NASP: variants seen among roughly 807,000 people sequenced by gnomAD.
NASP encodes NASP histone chaperone.
NASP carries 24 observed loss-of-function variants against 89.5 expected under a neutral mutation model. That is an observed-to-expected ratio of 0.27 (90% CI 0.19 to 0.38). NASP has a LOEUF of 0.38. Among genes scored for constraint, NASP ranks in the 10% least tolerant of loss-of-function variants. NASP has a pLI of 1.00. For missense variants in NASP, 848 were observed against 921.4 expected (o/e 0.92, Z 1.03); for synonymous variants, 306 against 324.7 (o/e 0.94, Z 0.62).
chr1:45,617,398 GT>G, intron 13 of NASP, 64 bp from the exon 14 acceptor site: 2 of 1,551,422 alleles, frequency 1.3e-6, no homozygotes, highest in South Asian at 2.3e-5. Flanking sequence ...TTAAGGAAAT[GT>G]TTTGCAGTTG....
At chr1:45,604,684 T>C (rs1643887639) in intron 3 of NASP, among the ~76,000 whole-genome samples, 1 of 152,202 alleles carries the variant, frequency 6.6e-6, no homozygotes, top group African/African-American at 2.4e-5. Context: ...CTTAGGGCTG[T>C]TTGGCCCTAC....
intron 1 of NASP, among the ~76,000 whole-genome samples, chr1:45,587,185 G>GTT (rs796390802): frequency 6.6e-6 from 1 of 150,714 alleles, no homozygotes; most frequent in East Asian, 1.9e-4. Context: ...TTCTTAGTTG[G>GTT]TTTTTTTTTG....
intron 2 of NASP, among the ~76,000 whole-genome samples, chr1:45,597,774 C>T (rs766185536): frequency 3.9e-5 from 6 of 152,080 alleles, no homozygotes; most frequent in African/African-American, 1.4e-4. Flanking sequence ...CCAGCATCTC[C>T]GTTTGTTCAC....
chr1:45,608,688 G>T (rs1412622021), intron 6 of NASP, among the ~76,000 whole-genome samples: 3 of 152,150 alleles, frequency 2.0e-5, no homozygotes, highest in Non-Finnish European at 4.4e-5. Flanking sequence ...GGGAAATAGT[G>T]GGCTAGGCTG....
intron 11 of NASP, 124 bp from the exon 12 acceptor site, chr1:45,616,213 A>AT: frequency 1.2e-6 from 1 of 852,408 alleles, no homozygotes; most frequent in Non-Finnish European, 2.0e-6. Flanking sequence ...ACTGGATACT[A>AT]TATGGAGGCC....
chr1:45,591,673 G>A (rs770846964), intron 2 of NASP, among the ~76,000 whole-genome samples: 68 of 151,924 alleles, frequency 4.5e-4, no homozygotes, highest in Non-Finnish European at 7.7e-4. Context: ...CCCCTGTAAC[G>A]TTTCCATCTT....
intron 1 of NASP, among the ~76,000 whole-genome samples, chr1:45,585,071 CG>C (rs2148319646): frequency 6.6e-6 from 1 of 152,210 alleles, no homozygotes; most frequent in South Asian, 2.1e-4. Context: ...GTAGTATGCA[CG>C]AAGTGGAGAA....
chr1:45,600,136 GT>G (rs1197184444), intron 2 of NASP, among the ~76,000 whole-genome samples: 1 of 151,926 alleles, frequency 6.6e-6, no homozygotes, highest in Non-Finnish European at 1.5e-5. Flanking sequence ...AAATAATTTG[GT>G]TTTCATTAAT....
At chr1:45,613,441 G>T (rs1644050984) in intron 7 of NASP, among the ~76,000 whole-genome samples, 193 bp downstream of exon 7, 1 of 152,158 alleles carries the variant, frequency 6.6e-6, no homozygotes, top group African/African-American at 2.4e-5. Context: ...GTGCCAACAT[G>T]CCCAGCTAGT....
At chr1:45,586,272 GTGTGTGTGTGT>G (rs1557646303) in intron 1 of NASP, among the ~76,000 whole-genome samples, 1 of 74,862 alleles carries the variant, frequency 1.3e-5, no homozygotes, top group Non-Finnish European at 2.6e-5. Flanking sequence ...GTGTGTGTGT[GTGTGTGTGTGT>G]GGTGTGTGTG....
intron 5 of NASP, 32 bp downstream of exon 5, chr1:45,606,623 T>G (rs1232072102): frequency 8.4e-6 from 12 of 1,430,654 alleles, no homozygotes; most frequent in Admixed American, 1.7e-5. Context: ...ATTCAAGAGA[T>G]GCGACGTTGT....
intron 1 of NASP, among the ~76,000 whole-genome samples, chr1:45,586,910 T>A (rs1644558658): frequency 6.6e-6 from 1 of 152,202 alleles, no homozygotes; most frequent in South Asian, 2.1e-4. Flanking sequence ...TTGCCCAGGC[T>A]GGATTCCCAA....
chr1:45,617,526 G>A lies in NASP; in HGVS notation c.2221G>A (p.Val741Met). 6.2e-7 allele frequency: 1 copy of A among 1,612,298 alleles called. No homozygotes were observed. Among genetic ancestry groups the A allele is most frequent in the Non-Finnish European group, 8.5e-7 (1 of 1,179,426 alleles). The change falls in exon 14 of 15, where the codon GTG becomes ATG. Residue 741 changes from valine (V) to methionine (M), a missense_variant. This residue lies in a region of NASP where 218 missense variants were observed against 219.6 expected (regional missense o/e 0.99). Coordinates refer to ENST00000350030, the MANE Select transcript of NASP (RefSeq NM_002482.4). The stretch of plus-strand genomic sequence containing the variant: ...AAAGAAAGCCAAACAAGAGCCGGAG[G>A]TGAACGGAGGCAGTGGGGATGCTGT... ...DAKKAKQEPE[V>M]NGGSGDAVPS... is the part of the protein sequence containing the mutation.
At position 45,618,210 on chromosome 1, in the gene NASP, A is replaced by C; in HGVS notation, c.*69A>C. 7.9e-7 allele frequency: 1 copy of C among 1,268,144 alleles called. No individual in the cohort carries two copies. Among genetic ancestry groups the C allele is most frequent in the Admixed American group, 2.2e-5 (1 of 45,798 alleles). The allele number at this position is 1,268,144 out of a possible 1,614,324, so 78.6% of individuals were successfully genotyped here. A position where few individuals can be genotyped will look rare whatever the true frequency, so the allele number is the denominator to read the frequency against. ...TAATGTATTTTTTCACTTTTGGAGGATTCTTTTTGTATAACTTCAATAAAG... is the reference window on the plus strand; with the variant it reads ...TAATGTATTTTTTCACTTTTGGAGGCTTCTTTTTGTATAACTTCAATAAAG... On this transcript the variant is annotated 3_prime_UTR_variant, in exon 15 of 15. Transcript: ENST00000350030.
chr1:45,609,015 TCCTC>T (rs916068044), intron 6 of NASP, among the ~76,000 whole-genome samples: 66 of 152,300 alleles, frequency 4.3e-4, no homozygotes, highest in African/African-American at 1.5e-3. Context: ...CTGTTTTCCT[TCCTC>T]ATTTCATGCT....
chr1:45,597,951 T>C (rs1643740488), intron 2 of NASP, among the ~76,000 whole-genome samples: 1 of 152,166 alleles, frequency 6.6e-6, no homozygotes, highest in Admixed American at 6.5e-5. Flanking sequence ...CTCACATCAG[T>C]TTCTTTGACA....
chr1:45,616,264 G>A (rs1399849821), intron 11 of NASP, 73 bp from the exon 12 acceptor site: 1 of 1,339,600 alleles, frequency 7.5e-7, no homozygotes, highest in East Asian at 2.3e-5. Flanking sequence ...GGATGGTGAT[G>A]GGTTCCTGTT....
intron 3 of NASP, among the ~76,000 whole-genome samples, 164 bp downstream of exon 3, chr1:45,602,529 T>C (rs2148350966): frequency 1.3e-5 from 2 of 152,358 alleles, no homozygotes; most frequent in East Asian, 3.9e-4. Flanking sequence ...AACTTAAATA[T>C]CACCAAGCAG....
intron 2 of NASP, among the ~76,000 whole-genome samples, chr1:45,596,574 G>A (rs1643701051): frequency 2.0e-5 from 3 of 152,192 alleles, no homozygotes; most frequent in South Asian, 2.1e-4. Context: ...CTGCTGTGAC[G>A]TTGGGTTTAT....
Sources: gnomAD v4.1 joint callset for allele counts (sites outside exome capture counted in the v4.1 genomes callset) on GRCh38, gnomAD v4.1.1 for gene constraint, gnomAD v4.1.1 regional missense constraint, MANE v1.5 for transcripts, NCBI Gene and HGNC (gene_info 2026-07-23, HGNC 2026-07-21) for gene names.